The following MGAT4C variants were observed in gnomAD, a reference collection of about 807,000 sequenced individuals.
The protein encoded by MGAT4C is MGAT4 family member C.
A neutral mutation model predicts 40.1 loss-of-function variants in MGAT4C; 19 were observed. That is an observed-to-expected ratio of 0.47 (90% CI 0.33 to 0.70). The LOEUF (loss-of-function observed/expected upper bound fraction) is 0.70. MGAT4C is among the 30% of genes least tolerant of loss of function. The pLI is 0.02. For missense variants in MGAT4C, 491 were observed against 563.2 expected (o/e 0.87, Z 1.30); for synonymous variants, 181 against 187.1 (o/e 0.97, Z 0.27).
intron 2 of MGAT4C, among the ~76,000 whole-genome samples, chr12:86,043,649 A>AC (rs1892091877): frequency 6.6e-6 from 1 of 152,232 alleles, no homozygotes; most frequent in African/African-American, 2.4e-5. Flanking sequence ...CAGGAACAAT[A>AC]CTTTACATCC....
At chr12:86,153,875 A>G (rs1373674976) in intron 1 of MGAT4C, among the ~76,000 whole-genome samples, 1 of 152,198 alleles carries the variant, frequency 6.6e-6, no homozygotes, top group African/African-American at 2.4e-5. Context: ...CAGCAGTGTG[A>G]AAATAGACTA....
At chr12:86,546,952 C>T (rs951605638) in intron 2 of MGAT4C, among the ~76,000 whole-genome samples, 2 of 151,516 alleles carry the variant, frequency 1.3e-5, no homozygotes, top group African/African-American at 2.4e-5. Flanking sequence ...ATTTTGACTT[C>T]GAGGACATTT....
intron 3 of MGAT4C, among the ~76,000 whole-genome samples, chr12:86,352,740 CAA>C (rs1955194167): frequency 6.6e-6 from 1 of 151,944 alleles, no homozygotes; most frequent in South Asian, 2.1e-4. Context: ...CTATCACACA[CAA>C]TATTAATTTG....
At chr12:86,380,947 A>G (rs999437142) in intron 3 of MGAT4C, among the ~76,000 whole-genome samples, 1 of 152,202 alleles carries the variant, frequency 6.6e-6, no homozygotes, top group African/African-American at 2.4e-5. Context: ...GAAGTATATG[A>G]AAATATGAGA....
intron 2 of MGAT4C, among the ~76,000 whole-genome samples, chr12:86,698,906 T>G (rs902216361): frequency 2.6e-5 from 4 of 152,262 alleles, no homozygotes; most frequent in Admixed American, 2.0e-4. Flanking sequence ...GGAGAAAGTA[T>G]GTCCTTGATT....
At chr12:86,532,202 T>C (rs867507040) in intron 2 of MGAT4C, among the ~76,000 whole-genome samples, 1 of 152,072 alleles carries the variant, frequency 6.6e-6, no homozygotes, top group South Asian at 2.1e-4. Flanking sequence ...TAACTACTAG[T>C]AGTGATAATT....
chr12:86,429,570 G>GT lies in MGAT4C; in HGVS notation c.-120+5586dup, dbSNP rs527917657. On this transcript the variant is annotated intron_variant, in intron 3 of 7. Transcript: ENST00000548651. ...TATGGTTGTCACGTTTTTTGTTTTT[G>GT]TTTTTTTCTTTCAGAACTTTGACTA... Among the ~76,000 whole-genome samples the GT allele has an allele frequency of 1.8e-3, 268 of 151,952 alleles. 2 individuals carry two copies. The highest frequency in any genetic ancestry group is 6.1e-3 in the African/African-American group (251 of 41,464).
chr12:86,606,661 C>G (rs1962056440), intron 2 of MGAT4C, among the ~76,000 whole-genome samples: 1 of 151,942 alleles, frequency 6.6e-6, no homozygotes, highest in Admixed American at 6.6e-5. Flanking sequence ...ATGCCCACCT[C>G]AAAAAGATGC....
intron 2 of MGAT4C, among the ~76,000 whole-genome samples, chr12:86,615,042 A>G (rs1962405896): frequency 6.6e-6 from 1 of 152,014 alleles, no homozygotes; most frequent in South Asian, 2.1e-4. Context: ...AGAAAAAAAC[A>G]ATTGGCAGTA....
intron 1 of MGAT4C, among the ~76,000 whole-genome samples, chr12:86,815,933 C>T (rs1952596311): frequency 6.6e-6 from 1 of 151,812 alleles, no homozygotes; most frequent in Non-Finnish European, 1.5e-5. Context: ...CAAAATATCA[C>T]AAATCACCAC....
intron 1 of MGAT4C, among the ~76,000 whole-genome samples, chr12:86,197,798 G>T (rs1193174366): frequency 6.6e-6 from 1 of 152,084 alleles, no homozygotes; most frequent in Non-Finnish European, 1.5e-5. Flanking sequence ...ATTCTTAGTA[G>T]AATTATTCTT....
At chr12:86,277,880 G>T (rs1297231215) in intron 4 of MGAT4C, among the ~76,000 whole-genome samples, 11 of 151,900 alleles carry the variant, frequency 7.2e-5, no homozygotes, top group Admixed American at 6.6e-5. Flanking sequence ...CTGTTCTGGG[G>T]TTTTTTGGGG....
chr12:86,370,400 G>C (rs1955692772), intron 3 of MGAT4C, among the ~76,000 whole-genome samples: 1 of 151,956 alleles, frequency 6.6e-6, no homozygotes, highest in Admixed American at 6.6e-5. Flanking sequence ...GAGTATATAC[G>C]ATGTATGAGA....
At chr12:86,250,430 AT>A (rs1952227807) in intron 1 of MGAT4C, among the ~76,000 whole-genome samples, 1 of 152,070 alleles carries the variant, frequency 6.6e-6, no homozygotes, top group South Asian at 2.1e-4. Flanking sequence ...ACAGAACGTC[AT>A]GAGTAAAGAA....
intron 2 of MGAT4C, among the ~76,000 whole-genome samples, chr12:86,036,384 T>TC (rs1891240630): frequency 6.7e-6 from 1 of 150,072 alleles, no homozygotes; most frequent in Admixed American, 6.7e-5. Flanking sequence ...GGCGTCCGTG[T>TC]CTTGTGCTGG....
intron 1 of MGAT4C, among the ~76,000 whole-genome samples, chr12:86,807,278 C>T (rs972107911): frequency 6.6e-6 from 1 of 151,982 alleles, no homozygotes; most frequent in African/African-American, 2.4e-5. Context: ...TCTCTTCCCC[C>T]ACTCCACCCT....
intron 2 of MGAT4C, among the ~76,000 whole-genome samples, chr12:86,040,442 G>T (rs571207719): frequency 6.6e-6 from 1 of 152,318 alleles, no homozygotes; most frequent in South Asian, 2.1e-4. Context: ...AGAGAGGAGG[G>T]AATCTGGAGA....
intron 1 of MGAT4C, among the ~76,000 whole-genome samples, chr12:86,138,876 C>G (rs191205015): frequency 4.6e-5 from 7 of 152,050 alleles, no homozygotes; most frequent in African/African-American, 1.7e-4. Context: ...CAGCCACAGA[C>G]AGCCTGCCTT....
chr12:86,617,999 C>T (rs1231876382), intron 2 of MGAT4C, among the ~76,000 whole-genome samples: 2 of 151,864 alleles, frequency 1.3e-5, no homozygotes, highest in Non-Finnish European at 2.9e-5. Context: ...ACAAATAATC[C>T]CATTAAAAAG....
Sources: allele counts gnomAD v4.1 joint callset (sites outside exome capture counted in the v4.1 genomes callset), GRCh38; gene constraint gnomAD v4.1.1; transcripts MANE v1.5; gene names NCBI Gene and HGNC (gene_info 2026-07-23, HGNC 2026-07-21).